The following DOT1L variants were observed in gnomAD, a reference collection of about 807,000 sequenced individuals.
DOT1L encodes the protein histone-lysine N-methyltransferase, H3 lysine-79 specific.
In DOT1L, 33 loss-of-function variants were observed where a neutral mutation model predicts 153.3. That is an observed-to-expected ratio of 0.22 (90% confidence interval 0.16 to 0.29). DOT1L has a LOEUF of 0.29. Ranked by LOEUF, DOT1L falls within the 10% of genes least tolerant of loss-of-function variation. The pLI is 1.00. For missense variants in DOT1L, 1,847 were observed against 2,119.9 expected, an observed-to-expected ratio of 0.87 and a Z score of 2.53; for synonymous variants, 1,135 against 965.1, an observed-to-expected ratio of 1.18 and a Z score of -3.26.
At chr19:2,195,089 C>T (rs1281994507) in intron 7 of DOT1L, among the ~76,000 whole-genome samples, 1 of 152,108 alleles carries the variant, frequency 6.6e-6, no homozygotes, top group Non-Finnish European at 1.5e-5. Flanking sequence ...GTGTGGCCCT[C>T]CCTGTAGGGT....
intron 27 of DOT1L, 111 bp downstream of exon 27, chr19:2,227,238 C>G (rs747218689): frequency 7.1e-7 from 1 of 1,404,340 alleles, no homozygotes; most frequent in Admixed American, 1.7e-5. Context: ...CTGCAGGTCC[C>G]CTGGTGCCGG....
In DOT1L at chr19:2,184,964, A is replaced by G. The variant is rs138597494; in HGVS notation, c.126-891A>G. 3.5e-3 allele frequency among the ~76,000 whole-genome samples: 538 copies of G among 152,066 alleles called. 1 individual carries two copies. The highest frequency in any genetic ancestry group is 0.012 in the African/African-American group (517 of 41,436). ...TTTCTTTCCAGCCCTTTGCGTCTCT[A>G]TGGTTTTGGTGTCAAGATGACGCTG... On this transcript the variant is annotated intron_variant, in intron 2 of 27. Transcript: ENST00000398665.
At position 2,216,306 on chromosome 19, in the gene DOT1L, G is replaced by A; in HGVS notation, c.1949G>A (p.Ser650Asn). ...LQISIVELEK[S>N]QRQQELLQLK... ...ATCAGCATTGTGGAGCTAGAGAAGA[G>A]CCAGCGGCAGCAGGAGCTCCTGCAG... Residue 650 changes from serine to asparagine, a missense_variant, in exon 20 of 28, where the codon AGC becomes AAC. Ser to Asn is a conservative substitution (Grantham distance 46, BLOSUM62 1). This residue lies in a region of DOT1L where 156 missense variants were observed against 235.7 expected (regional missense o/e 0.66). Coordinates refer to ENST00000398665, the MANE Select transcript of DOT1L (RefSeq NM_032482.3). 6.3e-7 allele frequency: 1 copy of A among 1,589,476 alleles called. No individual in the cohort carries two copies. Among genetic ancestry groups the A allele is most frequent in the Non-Finnish European group, 8.6e-7 (1 of 1,163,724 alleles).
chr19:2,167,350 C>T (rs774969445), intron 1 of DOT1L, among the ~76,000 whole-genome samples: 14 of 152,244 alleles, frequency 9.2e-5, no homozygotes, highest in Non-Finnish European at 1.9e-4. Context: ...TTTGCCTTTT[C>T]CTTGGTACTG....
At chr19:2,164,930 C>T (rs991568234) in intron 1 of DOT1L, among the ~76,000 whole-genome samples, 7 of 152,206 alleles carry the variant, frequency 4.6e-5, no homozygotes, top group Admixed American at 6.5e-5. Flanking sequence ...TGGGACTTCT[C>T]CCCGATCTTG....
chr19:2,189,693 C>T, intron 3 of DOT1L, 39 bp from the exon 4 acceptor site: 1 of 1,604,748 alleles, frequency 6.2e-7, no homozygotes, highest in Non-Finnish European at 8.5e-7. Context: ...GCGGCTGGCT[C>T]CTGCCCGCAT....
chr19:2,199,776 CACTGCA>C, intron 7 of DOT1L, 102 bp from the exon 8 acceptor site: 3 of 1,439,426 alleles, frequency 2.1e-6, no homozygotes, highest in Non-Finnish European at 2.8e-6. Flanking sequence ...CCTGCTCCTT[CACTGCA>C]AGCGGAGCTG....
chr19:2,213,424 C>T lies in DOT1L; in HGVS notation c.1558-115C>T, dbSNP rs1032888636. On this transcript the variant is annotated intron_variant, in intron 16 of 27. Transcript: ENST00000398665. ...TCAGCCCGGTGTGGGTCCCCTCAGG[C>T]ATGTCTGTCCTTGAGCGTGTCTTCA... The T allele has an allele frequency of 8.6e-6, 9 of 1,048,750 alleles. No individual in the cohort carries two copies. The African/African-American group carries it at 1.3e-4, about 15-fold the overall frequency. The allele number at this position is 1,048,750 out of a possible 1,614,324, so 65.0% of individuals were successfully genotyped here.
Position 2,217,119 on chromosome 19 carries a change from C to T in DOT1L, c.2544+29C>T. 1 of 1,557,200 alleles carries T rather than the reference C, an allele frequency of 6.4e-7. No individual in the cohort carries two copies. The highest frequency in any genetic ancestry group is 1.8e-4 in the Middle Eastern group (1 of 5,556). ...CGGGCCGCGACCCCTGCCCCGGGCT[C>T]AGGGAGGTGCTCAGCAGAGGCGGCC... On this transcript the variant is annotated intron_variant, in intron 21 of 27. Coordinates refer to ENST00000398665, the MANE Select transcript of DOT1L (RefSeq NM_032482.3). This position sits in a 1 kb window ranked among gnomAD's most constrained non-coding sequence, Gnocchi z 7.3.
intron 7 of DOT1L, 82 bp downstream of exon 7, chr19:2,194,659 C>T (rs1011520901): frequency 1.8e-5 from 25 of 1,389,150 alleles, no homozygotes; most frequent in East Asian, 5.1e-5. Context: ...CCTTTCTTGC[C>T]GATGTTGGCA....
chr19:2,185,540 G>A (rs1304744257), intron 2 of DOT1L, among the ~76,000 whole-genome samples: 2 of 152,142 alleles, frequency 1.3e-5, no homozygotes, highest in Non-Finnish European at 2.9e-5. Flanking sequence ...AGGCTGAAGT[G>A]GGCGGATCAC....
rs117344235 is a variant in DOT1L, at chr19:2,206,615, C to T, written c.788-114C>T. ...TGCTTGTAGGCAGGTGGACAGGACCCGGAGCCCAGTGTGTGTGTGTTCCGT... is the reference window on the plus strand; with the variant it reads ...TGCTTGTAGGCAGGTGGACAGGACCTGGAGCCCAGTGTGTGTGTGTTCCGT... On this transcript the variant is annotated intron_variant, in intron 9 of 27. Coordinates refer to ENST00000398665, the MANE Select transcript of DOT1L (RefSeq NM_032482.3). The T allele has an allele frequency of 6.5e-3, 6,717 of 1,032,696 alleles. 33 individuals are homozygous for T. The highest frequency in any genetic ancestry group is 8.7e-3 in the Non-Finnish European group (5,716 of 658,824). 64.0% of individuals were successfully genotyped at this position (1,032,696 alleles called of 1,614,324 possible).
Position 2,231,489 on chromosome 19 carries a change from TC to T in DOT1L, c.*1702del. 1 of 205,596 alleles carries T rather than the reference TC, an allele frequency of 4.9e-6. No homozygotes were observed. Among genetic ancestry groups the T allele is most frequent in the Non-Finnish European group, 9.9e-6 (1 of 100,724 alleles). The allele number at this position is 205,596 out of a possible 1,614,324, so 12.7% of individuals were successfully genotyped here. On this transcript the variant is annotated 3_prime_UTR_variant, in exon 28 of 28. Transcript: ENST00000398665. The stretch of plus-strand genomic sequence containing the variant: ...TGTGCCTGGTGAGGGGGGTGCTGCC[TC>T]CCCCAGCCCCCAACAACCTCTCAGA...
At chr19:2,194,043 C>T (rs1396204963) in intron 6 of DOT1L, among the ~76,000 whole-genome samples, 1 of 152,226 alleles carries the variant, frequency 6.6e-6, no homozygotes, top group Non-Finnish European at 1.5e-5. Flanking sequence ...GCACGTGCCA[C>T]TAGTGAGGCG....
intron 25 of DOT1L, among the ~76,000 whole-genome samples, chr19:2,224,776 G>A (rs1568370078): frequency 6.6e-6 from 1 of 152,224 alleles, no homozygotes; most frequent in Non-Finnish European, 1.5e-5. Context: ...GTGGTGTTCT[G>A]TGTTAGTTCG....
chr19:2,210,170 T>C (rs1314305585), intron 12 of DOT1L, among the ~76,000 whole-genome samples: 5 of 152,186 alleles, frequency 3.3e-5, no homozygotes, highest in African/African-American at 1.2e-4. Context: ...ATTGTGGGAG[T>C]GGCTGTGAAT....
chr19:2,217,141 G>T lies in DOT1L; in HGVS notation c.2544+51G>T, dbSNP rs758708293. 2 of 1,515,574 alleles carry T rather than the reference G, an allele frequency of 1.3e-6. No homozygotes were observed. The highest frequency in any genetic ancestry group is 1.8e-6 in the Non-Finnish European group (2 of 1,133,862). 93.9% of individuals were successfully genotyped at this position (1,515,574 alleles called of 1,614,324 possible). A position where few individuals can be genotyped will look rare whatever the true frequency, so the allele number is the denominator to read the frequency against. ...GCTCAGGGAGGTGCTCAGCAGAGGCGGCCTGAGCGAGTTGCTAGCAGGAGG... is the reference window on the plus strand; with the variant it reads ...GCTCAGGGAGGTGCTCAGCAGAGGCTGCCTGAGCGAGTTGCTAGCAGGAGG... On this transcript the variant is annotated intron_variant, in intron 21 of 27. Transcript: ENST00000398665. The surrounding 1 kb of genome is among the most constrained non-coding windows in gnomAD (Gnocchi z 7.3).
intron 27 of DOT1L, chr19:2,229,297 A>G (rs997869427): frequency 6.1e-6 from 6 of 985,224 alleles, no homozygotes; most frequent in Admixed American, 6.1e-5. Flanking sequence ...GCGTAGTGCA[A>G]AGGTGCCCTC....
chr19:2,203,547 C>T (rs961474720), intron 9 of DOT1L, among the ~76,000 whole-genome samples: 11 of 152,194 alleles, frequency 7.2e-5, no homozygotes, highest in African/African-American at 2.7e-4. Flanking sequence ...TTTGTTTTCT[C>T]CCTCCGGAGA....
Sources: allele counts gnomAD v4.1 joint callset (sites outside exome capture counted in the v4.1 genomes callset), GRCh38; gene constraint gnomAD v4.1.1; regional missense constraint gnomAD v4.1.1; non-coding constraint Gnocchi (gnomAD v3.1); transcripts MANE v1.5; gene names NCBI Gene and HGNC (gene_info 2026-07-23, HGNC 2026-07-21).